Variants in PLXNA2 observed in about 807,000 individuals in gnomAD.
PLXNA2 encodes the protein plexin A2.
PLXNA2 carries 91 observed loss-of-function variants against 193.5 expected under a neutral mutation model. The ratio of observed to expected loss-of-function variants is 0.47; its 90% CI spans 0.40 to 0.56. PLXNA2 has a LOEUF of 0.56. Among genes scored for constraint, PLXNA2 ranks in the 20% least tolerant of loss-of-function variants. The pLI, the probability that PLXNA2 is intolerant of heterozygous loss-of-function variation, is 0.00. For synonymous variants in PLXNA2, 997 were observed against 1,027.3 expected (o/e 0.97, Z 0.56); for missense variants, 1,995 against 2,503.2 (o/e 0.80, Z 4.33).
At chr1:208,174,813 C>A (rs1182023442) in intron 3 of PLXNA2, among the ~76,000 whole-genome samples, 2 of 152,218 alleles carry the variant, frequency 1.3e-5, no homozygotes, top group Non-Finnish European at 2.9e-5. Context: ...CCTGTATATC[C>A]TCAAGTTCAC....
chr1:208,175,674 C>G (rs1669639256), intron 3 of PLXNA2, among the ~76,000 whole-genome samples: 1 of 152,132 alleles, frequency 6.6e-6, no homozygotes, highest in Admixed American at 6.5e-5. Flanking sequence ...CCAGCTGTCT[C>G]CACAACAGGA....
chr1:208,185,533 CAA>C (rs1185453370), intron 3 of PLXNA2, among the ~76,000 whole-genome samples: 8 of 151,962 alleles, frequency 5.3e-5, no homozygotes, highest in East Asian at 3.9e-4. Flanking sequence ...ATGGTTCCCA[CAA>C]AGACTGCTTG....
At chr1:208,196,889 C>G (rs1163885139) in intron 3 of PLXNA2, among the ~76,000 whole-genome samples, 1 of 152,090 alleles carries the variant, frequency 6.6e-6, no homozygotes, top group Non-Finnish European at 1.5e-5. Context: ...CTCTTTTGTC[C>G]TCTGTATCTG....
At chr1:208,150,874 G>A (rs1006987003) in intron 3 of PLXNA2, among the ~76,000 whole-genome samples, 4 of 152,152 alleles carry the variant, frequency 2.6e-5, no homozygotes, top group African/African-American at 9.7e-5. Context: ...AGACCTCTGG[G>A]TTCTACTCTT....
intron 3 of PLXNA2, among the ~76,000 whole-genome samples, chr1:208,157,855 C>T (rs1470359756): frequency 6.6e-6 from 1 of 152,138 alleles, no homozygotes; most frequent in African/African-American, 2.4e-5. Context: ...CTTTTCTGGC[C>T]AAGAGATTCT....
At chr1:208,030,633 A>C (rs1290799527) in intron 29 of PLXNA2, 20 of 985,224 alleles carry the variant, frequency 2.0e-5, no homozygotes, top group Middle Eastern at 5.2e-4. Context: ...GGCTTTTTCC[A>C]AAGTGTTTTG....
intron 4 of PLXNA2, among the ~76,000 whole-genome samples, chr1:208,133,341 C>A (rs1668215167): frequency 6.6e-6 from 1 of 152,204 alleles, no homozygotes; most frequent in South Asian, 2.1e-4. Context: ...CAGAATTTGA[C>A]CACCTTGAGG....
intron 1 of PLXNA2, among the ~76,000 whole-genome samples, chr1:208,232,252 C>T (rs752348545): frequency 4.6e-5 from 7 of 152,180 alleles, no homozygotes; most frequent in South Asian, 2.1e-4. Flanking sequence ...TCTCCCCAGC[C>T]GGCCCTTTAT....
At chr1:208,079,117 C>T (rs1027885447) in intron 12 of PLXNA2, 143 bp downstream of exon 12, 15 of 666,184 alleles carry the variant, frequency 2.3e-5, no homozygotes, top group Non-Finnish European at 3.1e-5. Context: ...AAGACACACG[C>T]GAGAGGTTTC....
intron 2 of PLXNA2, among the ~76,000 whole-genome samples, chr1:208,215,262 C>T (rs1671088836): frequency 6.6e-6 from 1 of 152,190 alleles, no homozygotes; most frequent in South Asian, 2.1e-4. Context: ...TGCCAAAGTG[C>T]TGGGAGTACA....
In PLXNA2 at chr1:208,096,789, C is replaced by T. The variant is rs367873971; in HGVS notation, c.1826G>A (p.Ser609Asn). The stretch of plus-strand genomic sequence containing the variant: ...CCCAGGTGAGATGCAGATGACCTGG[C>T]TCCCGGACACCTGCCCCTCCACCTC... ...LTEVEGQVSG[S>N]QVICISPGPK... Residue 609 changes from serine (S) to asparagine (N), a missense_variant, in exon 7 of 32, where the codon AGC (serine) becomes AAC (asparagine). Ser to Asn is a conservative substitution (Grantham distance 46, BLOSUM62 1). Transcript: ENST00000367033. The T allele has an allele frequency of 6.2e-7, 1 of 1,614,008 alleles. No homozygotes were observed. The highest frequency in any genetic ancestry group is 1.7e-5 in the Admixed American group (1 of 60,004).
intron 13 of PLXNA2, among the ~76,000 whole-genome samples, chr1:208,058,480 T>C: frequency 6.6e-6 from 1 of 152,162 alleles, no homozygotes; most frequent in East Asian, 1.9e-4. Flanking sequence ...CAAATTCATC[T>C]CTCACAGACA....
chr1:208,180,329 G>T (rs1669801005), intron 3 of PLXNA2, among the ~76,000 whole-genome samples: 1 of 152,162 alleles, frequency 6.6e-6, no homozygotes, highest in Non-Finnish European at 1.5e-5. Flanking sequence ...AGCGGTGGGA[G>T]AGGGGCTCCG....
intron 1 of PLXNA2, among the ~76,000 whole-genome samples, chr1:208,235,669 G>A (rs1024807339): frequency 4.6e-5 from 7 of 152,180 alleles, no homozygotes; most frequent in African/African-American, 1.7e-4. Flanking sequence ...TGTGAAGGCA[G>A]GCACTTAGTT....
chr1:208,096,156 G>T, intron 7 of PLXNA2, 31 bp from the exon 8 acceptor site: 1 of 1,552,866 alleles, frequency 6.4e-7, no homozygotes, highest in Non-Finnish European at 8.9e-7. Flanking sequence ...GGATGGGGTT[G>T]GGTAACAACG....
At chr1:208,055,396 G>T (rs1665397564) in intron 13 of PLXNA2, among the ~76,000 whole-genome samples, 1 of 152,172 alleles carries the variant, frequency 6.6e-6, no homozygotes, top group Non-Finnish European at 1.5e-5. Flanking sequence ...TTCTAGAAAG[G>T]GTGGGCAGCT....
chr1:208,026,370 G>A lies in PLXNA2; in HGVS notation c.*873C>T, dbSNP rs1276134628. ...CAAAGACCAGCTCCTCATTTGTTGA[G>A]GTTTAGGATTAAATAAAACAAAACA... On this transcript the variant is annotated 3_prime_UTR_variant, in exon 32 of 32. Coordinates refer to ENST00000367033, the MANE Select transcript of PLXNA2 (RefSeq NM_025179.4). 2.6e-5 allele frequency: 4 copies of A among 152,170 alleles called. No homozygotes were observed. Among genetic ancestry groups the A allele is most frequent in the Admixed American group, 6.5e-5 (1 of 15,270 alleles). The allele number at this position is 152,170 out of a possible 1,614,324, so 9.4% of individuals were successfully genotyped here. A position where few individuals can be genotyped will look rare whatever the true frequency, so the allele number is the denominator to read the frequency against.
chr1:208,225,366 G>A (rs1200414276), intron 1 of PLXNA2, among the ~76,000 whole-genome samples: 2 of 152,072 alleles, frequency 1.3e-5, no homozygotes, highest in African/African-American at 2.4e-5. Flanking sequence ...GCAGTGGCGC[G>A]ATCTCAGCTC....
intron 1 of PLXNA2, among the ~76,000 whole-genome samples, chr1:208,230,791 C>T (rs1671665698): frequency 6.6e-6 from 1 of 152,224 alleles, no homozygotes; most frequent in Non-Finnish European, 1.5e-5. Context: ...ATTTTTCTCT[C>T]TTTGTCTGAG....
Sources: gnomAD v4.1 joint callset for allele counts (sites outside exome capture counted in the v4.1 genomes callset) on GRCh38, gnomAD v4.1.1 for gene constraint, MANE v1.5 for transcripts, NCBI Gene and HGNC (gene_info 2026-07-23, HGNC 2026-07-21) for gene names.